Variants in PABPC4L observed in about 807,000 individuals in gnomAD.
PABPC4L encodes poly(A) binding protein cytoplasmic 4 like, also known as polyadenylate-binding protein 4-like.
For synonymous variants in PABPC4L, 169 were observed against 164.1 expected, an observed-to-expected ratio of 1.03 and a Z score of -0.23; for missense variants, 452 against 451.4, an observed-to-expected ratio of 1.00 and a Z score of -0.01.
At chr4:134,080,255 A>G in the PABPC4L span, among the ~76,000 whole-genome samples, 2 of 152,188 alleles carry the variant, frequency 1.3e-5, no homozygotes, top group African/African-American at 4.8e-5. Flanking sequence ...GACCAGTGCC[A>G]TAGTTCAAAA....
At chr4:133,999,849 G>A in the PABPC4L span, among the ~76,000 whole-genome samples, 1 of 151,852 alleles carries the variant, frequency 6.6e-6, no homozygotes, top group Non-Finnish European at 1.5e-5. Context: ...CAGGGATGAA[G>A]GGAAAATACT....
Position 134,200,214 on chromosome 4 carries a change from AC to A in PABPC4L, c.805del (p.Val269SerfsTer7), listed in dbSNP as rs1358726601. 9.0e-6 allele frequency: 14 copies of A among 1,551,580 alleles called. No individual in the cohort carries two copies. Among genetic ancestry groups the A allele is most frequent in the Non-Finnish European group, 1.2e-5 (14 of 1,147,032 alleles). The stretch of plus-strand genomic sequence containing the variant: ...TTGCTTTAACTCAGCCTGTCGCTCG[AC>A]TTTCTTTTGAGCCCGGCCTACAAAA... Reference protein sequence around the residue: ...LIFVGRAQKKVERQAELKQMF... With the variant: ...LIFVGRAQKKXERQAELKQMF... On this transcript the variant is annotated frameshift_variant, in exon 2 of 2. Coordinates refer to ENST00000421491, the MANE Select transcript of PABPC4L (RefSeq NM_001114734.2). LOFTEE classifies it low-confidence loss of function (END_TRUNC).
At chr4:134,088,262 G>T in the PABPC4L span, among the ~76,000 whole-genome samples, 2 of 151,932 alleles carry the variant, frequency 1.3e-5, no homozygotes, top group Non-Finnish European at 2.9e-5. Context: ...TAAATTTATA[G>T]AAATTTATAT....
chr4:134,100,992 TCCC>T, the PABPC4L span, among the ~76,000 whole-genome samples: 3,556 of 151,530 alleles, frequency 0.023, 121 homozygotes, highest in African/African-American at 0.08. Context: ...AATACATATT[TCCC>T]ATCAAAAACA....
chr4:134,045,956 T>C, the PABPC4L span, among the ~76,000 whole-genome samples: 1 of 152,160 alleles, frequency 6.6e-6, no homozygotes, highest in Admixed American at 6.6e-5. Context: ...TCATAAATCT[T>C]TGTTATTTTC....
the PABPC4L span, among the ~76,000 whole-genome samples, chr4:134,059,301 G>T: frequency 6.7e-6 from 1 of 150,310 alleles, no homozygotes; most frequent in East Asian, 2.0e-4. Context: ...GGAAAGTTGA[G>T]TAAAGTCTTA....
chr4:134,154,996 G>A, the PABPC4L span, among the ~76,000 whole-genome samples: 17 of 151,940 alleles, frequency 1.1e-4, no homozygotes, highest in African/African-American at 3.4e-4. Context: ...AAATAGAGTC[G>A]AAATCACCAT....
chr4:134,121,908 T>C, the PABPC4L span, among the ~76,000 whole-genome samples: 3 of 151,894 alleles, frequency 2.0e-5, no homozygotes, highest in African/African-American at 7.2e-5. Flanking sequence ...AAATATCCCA[T>C]GAAGAAAAAT....
chr4:134,079,609 A>C, the PABPC4L span, among the ~76,000 whole-genome samples: 9 of 132,846 alleles, frequency 6.8e-5, no homozygotes, highest in Non-Finnish European at 1.3e-4. Context: ...AAAAAAAAAA[A>C]AACTGTGCAT....
chr4:134,145,987 C>T, the PABPC4L span, among the ~76,000 whole-genome samples: 1 of 151,946 alleles, frequency 6.6e-6, no homozygotes, highest in Non-Finnish European at 1.5e-5. Context: ...GATATTTATA[C>T]ATCCAGTTAT....
At chr4:134,117,861 T>C in the PABPC4L span, among the ~76,000 whole-genome samples, 2 of 151,914 alleles carry the variant, frequency 1.3e-5, no homozygotes, top group South Asian at 2.1e-4. Flanking sequence ...TCTTGCTGCA[T>C]ATGCCAGGAA....
chr4:134,125,570 AAATT>A, the PABPC4L span, among the ~76,000 whole-genome samples: 640 of 152,270 alleles, frequency 4.2e-3, 3 homozygotes, highest in South Asian at 0.011. Flanking sequence ...AAAATTAAAT[AAATT>A]AAAAGATCAT....
At chr4:134,000,286 G>A in the PABPC4L span, among the ~76,000 whole-genome samples, 610 of 152,168 alleles carry the variant, frequency 4.0e-3, 6 homozygotes, top group African/African-American at 0.014. Flanking sequence ...GCAATGATTC[G>A]TCTAGAAAAT....
At chr4:134,029,210 A>C in the PABPC4L span, among the ~76,000 whole-genome samples, 1 of 152,128 alleles carries the variant, frequency 6.6e-6, no homozygotes. Context: ...ATCTGCTACC[A>C]TGTTCCAGCA....
the PABPC4L span, among the ~76,000 whole-genome samples, chr4:134,098,362 A>T: frequency 6.6e-6 from 1 of 151,760 alleles, no homozygotes; most frequent in African/African-American, 2.4e-5. Flanking sequence ...TTTGCTAGAC[A>T]TCATACTCTA....
the PABPC4L span, among the ~76,000 whole-genome samples, chr4:134,142,614 G>T: frequency 4.0e-5 from 6 of 151,220 alleles, 1 homozygote; most frequent in African/African-American, 1.2e-4. Flanking sequence ...GTGTTGTCAA[G>T]AAATACAATC....
the PABPC4L span, among the ~76,000 whole-genome samples, chr4:133,954,223 C>T: frequency 6.6e-6 from 1 of 152,138 alleles, no homozygotes; most frequent in Non-Finnish European, 1.5e-5. Context: ...TTTTGGGAGA[C>T]ATATGTCGGG....
At chr4:134,129,251 G>A in the PABPC4L span, among the ~76,000 whole-genome samples, 1 of 152,048 alleles carries the variant, frequency 6.6e-6, no homozygotes, top group African/African-American at 2.4e-5. Flanking sequence ...TCCACTGACA[G>A]CTCTGGACAG....
chr4:133,986,673 C>T, the PABPC4L span, among the ~76,000 whole-genome samples: 3 of 151,226 alleles, frequency 2.0e-5, no homozygotes, highest in South Asian at 4.2e-4. Flanking sequence ...ATAAACATCT[C>T]GGGACTGCCT....
Sources: gnomAD v4.1 joint callset for allele counts (sites outside exome capture counted in the v4.1 genomes callset) on GRCh38, gnomAD v4.1.1 for gene constraint, MANE v1.5 for transcripts, NCBI Gene and HGNC (gene_info 2026-07-23, HGNC 2026-07-21) for gene names.